Variants in ZC3H12D observed in about 807,000 individuals in gnomAD.
The protein encoded by ZC3H12D is zinc finger CCCH-type containing 12D, also known as probable ribonuclease ZC3H12D.
Under a neutral mutation model 24.2 loss-of-function variants are expected in ZC3H12D, and 11 were observed. The ratio of observed to expected loss-of-function variants is 0.46; its 90% CI spans 0.29 to 0.75. The LOEUF (loss-of-function observed/expected upper bound fraction) is 0.75, where lower values mean the gene tolerates loss of function less well. Ranked by LOEUF, ZC3H12D falls within the 30% of genes least tolerant of loss-of-function variation. ZC3H12D has a pLI of 0.11. For missense variants in ZC3H12D, 740 were observed against 767.7 expected (o/e 0.96, Z 0.43); for synonymous variants, 333 against 341.8 (o/e 0.97, Z 0.28).
rs751349341 is a variant in ZC3H12D at position 149,456,833 on chromosome 6, G to T, written c.513C>A (p.His171Gln). The change falls in exon 4 of 6, where the codon CAC becomes CAA. Residue 171 changes from histidine (H) to glutamine (Q), a missense_variant. Transcript: ENST00000409806. This position sits in a 1 kb window ranked among gnomAD's most constrained non-coding sequence, Gnocchi z 4.3. ...CGTCGTAGCAGACCAGGCGCTTGCC[G>T]TGCACCTTGCGGGACGGCGTGTACA... ...VLVYTPSRKV[H>Q]GKRLVCYDDR... 1.2e-6 allele frequency: 2 copies of T among 1,611,520 alleles called. No homozygotes were observed. Among genetic ancestry groups the T allele is most frequent in the South Asian group, 1.1e-5 (1 of 91,088 alleles).
At chr6:149,451,740 G>T (rs1212229021) in intron 5 of ZC3H12D, among the ~76,000 whole-genome samples, 1 of 152,216 alleles carries the variant, frequency 6.6e-6, no homozygotes, top group African/African-American at 2.4e-5. Flanking sequence ...TCATCCCAGG[G>T]TATGCAGAGG....
At chr6:149,459,117 G>A (rs988614707) in intron 3 of ZC3H12D, among the ~76,000 whole-genome samples, 2 of 150,940 alleles carry the variant, frequency 1.3e-5, no homozygotes, top group Non-Finnish European at 2.9e-5. Flanking sequence ...TTTTATTTTA[G>A]TATAGTCAAA....
intron 1 of ZC3H12D, among the ~76,000 whole-genome samples, chr6:149,475,998 A>C (rs1318682373): frequency 6.6e-6 from 1 of 152,242 alleles, no homozygotes; most frequent in African/African-American, 2.4e-5. Context: ...ACGTAGAAGC[A>C]TAAAGAATGA....
intron 1 of ZC3H12D, among the ~76,000 whole-genome samples, chr6:149,478,105 T>A (rs1776369217): frequency 6.7e-6 from 1 of 148,796 alleles, no homozygotes; most frequent in Admixed American, 6.8e-5. Context: ...AGGGAGAGGT[T>A]GTGGTAAGCC....
In ZC3H12D at chr6:149,456,050, G is replaced by C. The variant is rs940362827; in HGVS notation, c.680+616C>G. On this transcript the variant is annotated intron_variant, in intron 4 of 5. Coordinates refer to ENST00000409806, the MANE Select transcript of ZC3H12D (RefSeq NM_207360.3). This position sits in a 1 kb window ranked among gnomAD's most constrained non-coding sequence, Gnocchi z 4.3. ...GGACAGATCACAAGGTCAGGAGATC[G>C]AGACCATCTGGCTAACATGGTGAAA... Among the ~76,000 whole-genome samples the C allele has an allele frequency of 1.3e-5, 2 of 151,130 alleles. No individual in the cohort carries two copies. Among genetic ancestry groups the C allele is most frequent in the Non-Finnish European group, 2.9e-5 (2 of 67,900 alleles).
intron 5 of ZC3H12D, among the ~76,000 whole-genome samples, chr6:149,451,787 A>G (rs764362607): frequency 2.6e-5 from 4 of 152,272 alleles, no homozygotes; most frequent in Middle Eastern, 3.4e-3. Context: ...AGGGACTAAG[A>G]CCAAATCTCT....
intron 2 of ZC3H12D, among the ~76,000 whole-genome samples, chr6:149,473,299 G>A (rs577205140): frequency 5.9e-5 from 9 of 152,292 alleles, no homozygotes; most frequent in African/African-American, 1.9e-4. Flanking sequence ...TGACACATTC[G>A]GTGCCGCGGA....
At chr6:149,476,694 G>C (rs983766789) in intron 1 of ZC3H12D, among the ~76,000 whole-genome samples, 4 of 152,146 alleles carry the variant, frequency 2.6e-5, no homozygotes, top group Non-Finnish European at 5.9e-5. Flanking sequence ...TGTAATCCCA[G>C]CTACTTAGGA....
intron 2 of ZC3H12D, among the ~76,000 whole-genome samples, chr6:149,463,008 T>C (rs1171087997): frequency 6.6e-6 from 1 of 152,150 alleles, no homozygotes; most frequent in Non-Finnish European, 1.5e-5. Context: ...CTTAATAAAC[T>C]CCCCTTCATA....
Position 149,456,809 on chromosome 6 carries a change from G to T in ZC3H12D, c.537C>A (p.Asp179Glu), listed in dbSNP as rs775074823. ...AGGCCACCTTCACGATGTAGCGGTC[G>T]TCGTAGCAGACCAGGCGCTTGCCGT... is the stretch of plus-strand genomic sequence containing the variant. ...KVHGKRLVCY[D>E]DRYIVKVAYE... Residue 179 changes from aspartate to glutamate, a missense_variant, in exon 4 of 6, where the codon GAC becomes GAA. Coordinates refer to ENST00000409806, the MANE Select transcript of ZC3H12D (RefSeq NM_207360.3). The surrounding 1 kb of genome is among the most constrained non-coding windows in gnomAD (Gnocchi z 4.3). 6 of 1,613,020 alleles carry T rather than the reference G, an allele frequency of 3.7e-6. No homozygotes were observed. Among genetic ancestry groups the T allele is most frequent in the Non-Finnish European group, 4.2e-6 (5 of 1,179,796 alleles).
At position 149,451,177 on chromosome 6, in the gene ZC3H12D, C is replaced by T; in HGVS notation, c.1090G>A (p.Val364Ile). 1 of 1,313,872 alleles carries T rather than the reference C, an allele frequency of 7.6e-7. No homozygotes were observed. The highest frequency in any genetic ancestry group is 9.6e-7 in the Non-Finnish European group (1 of 1,037,544). 81.4% of individuals were successfully genotyped at this position (1,313,872 alleles called of 1,614,324 possible). A position where few individuals can be genotyped will look rare whatever the true frequency, so the allele number is the denominator to read the frequency against. Residue 364 changes from valine to isoleucine, a missense_variant, in exon 6 of 6, where the codon GTC becomes ATC. Val to Ile is a conservative substitution (Grantham distance 29, BLOSUM62 3). Coordinates refer to ENST00000409806, the MANE Select transcript of ZC3H12D (RefSeq NM_207360.3). Reference protein sequence around the residue: ...DLGPLGPPLPVPACSLTPRLG... With the variant: ...DLGPLGPPLPIPACSLTPRLG... ...CGGGGCGTGAGGCTGCAGGCGGGGA[C>T]CGGGAGAGGCGGCCCCAGGGGCCCC...
chr6:149,450,620 A>G lies in ZC3H12D; in HGVS notation c.*63T>C, dbSNP rs1337219135. On this transcript the variant is annotated 3_prime_UTR_variant, in exon 6 of 6. Transcript: ENST00000409806. ...CACTCAGGTCCAGGCTGGCAACCACAGGTCCACCCGTCCAAGACGCAAGGC... is the reference window on the plus strand; with the variant it reads ...CACTCAGGTCCAGGCTGGCAACCACGGGTCCACCCGTCCAAGACGCAAGGC... 7.0e-7 allele frequency: 1 copy of G among 1,425,362 alleles called. No individual in the cohort carries two copies. Among genetic ancestry groups the G allele is most frequent in the Non-Finnish European group, 9.2e-7 (1 of 1,081,672 alleles). 88.3% of individuals were successfully genotyped at this position (1,425,362 alleles called of 1,614,324 possible).
intron 2 of ZC3H12D, among the ~76,000 whole-genome samples, chr6:149,463,484 G>C (rs1303260738): frequency 6.6e-6 from 1 of 152,228 alleles, no homozygotes; most frequent in African/African-American, 2.4e-5. Flanking sequence ...GCCGAGGCAG[G>C]TGGATCATGA....
Position 149,456,610 on chromosome 6 carries a change from A to ACCCCCGCCCCCCCCCCCCCCCCCCCC in ZC3H12D, c.680+55_680+56insGGGGGGGGGGGGGGGGGGGGCGGGGG. On this transcript the variant is annotated intron_variant, in intron 4 of 5. Transcript: ENST00000409806. This position sits in a 1 kb window ranked among gnomAD's most constrained non-coding sequence, Gnocchi z 4.3. ...GGTAGCAGGCGTGGCCACTGCCTCG[A>ACCCCCGCCCCCCCCCCCCCCCCCCCC]CCCCGGCCCCCCGCCCCGCCGCCCC... The ACCCCCGCCCCCCCCCCCCCCCCCCCC allele has an allele frequency of 3.2e-5, 34 of 1,048,930 alleles. No individual in the cohort carries two copies. The highest frequency in any genetic ancestry group is 4.7e-5 in the African/African-American group (3 of 64,132). The allele number at this position is 1,048,930 out of a possible 1,614,324, so 65.0% of individuals were successfully genotyped here.
Position 149,464,809 on chromosome 6 carries a change from G to A in ZC3H12D, c.306-2839C>T, listed in dbSNP as rs114754997. Among the ~76,000 whole-genome samples the A allele has an allele frequency of 1.1e-3, 166 of 152,322 alleles. 1 individual carries two copies. Among genetic ancestry groups the A allele is most frequent in the African/African-American group, 3.9e-3 (163 of 41,570 alleles). ...ATCCAAACACAGGCATAACTGACAT[G>A]GTCTAGGGACCAGAAAGACAGGAGT... On this transcript the variant is annotated intron_variant, in intron 2 of 5. Coordinates refer to ENST00000409806, the MANE Select transcript of ZC3H12D (RefSeq NM_207360.3).
intron 4 of ZC3H12D, among the ~76,000 whole-genome samples, chr6:149,453,643 T>C (rs1036764737): frequency 2.0e-5 from 3 of 152,060 alleles, no homozygotes; most frequent in African/African-American, 7.2e-5. Flanking sequence ...AAAAAGAACT[T>C]CCCAGGTGAT....
chr6:149,464,982 T>A (rs1225518657), intron 2 of ZC3H12D, among the ~76,000 whole-genome samples: 2 of 152,236 alleles, frequency 1.3e-5, no homozygotes, highest in Non-Finnish European at 2.9e-5. Context: ...GGATGACATT[T>A]TGAATTCACA....
At chr6:149,462,189 C>A (rs1375470775) in intron 2 of ZC3H12D, among the ~76,000 whole-genome samples, 1 of 152,126 alleles carries the variant, frequency 6.6e-6, no homozygotes, top group Non-Finnish European at 1.5e-5. Flanking sequence ...GCCTGGCCAA[C>A]ATGGTGAAAC....
In ZC3H12D at chr6:149,456,026, G is replaced by A. The variant is rs573932680; in HGVS notation, c.680+640C>T. Among the ~76,000 whole-genome samples, 1 of 151,966 alleles carries A rather than the reference G, an allele frequency of 6.6e-6. No individual in the cohort carries two copies. The highest frequency in any genetic ancestry group is 1.9e-4 in the East Asian group (1 of 5,174). ...CCCAGCACTTTGGGAAGCCGAGGTG[G>A]ACAGATCACAAGGTCAGGAGATCGA... On this transcript the variant is annotated intron_variant, in intron 4 of 5. Transcript: ENST00000409806. This position sits in a 1 kb window ranked among gnomAD's most constrained non-coding sequence, Gnocchi z 4.3.
Sources: allele counts gnomAD v4.1 joint callset (sites outside exome capture counted in the v4.1 genomes callset), GRCh38; gene constraint gnomAD v4.1.1; non-coding constraint Gnocchi (gnomAD v3.1); transcripts MANE v1.5; gene names NCBI Gene and HGNC (gene_info 2026-07-23, HGNC 2026-07-21).